FBXL17: variants seen among roughly 807,000 people sequenced by gnomAD.
FBXL17 encodes the protein F-box/LRR-repeat protein 17.
In FBXL17, 22 loss-of-function variants were observed where a neutral mutation model predicts 66.2. That is an observed-to-expected ratio of 0.33 (90% CI 0.24 to 0.47). The LOEUF (loss-of-function observed/expected upper bound fraction) is 0.47, where lower values mean the gene tolerates loss of function less well. Among genes scored for constraint, FBXL17 ranks in the 20% least tolerant of loss-of-function variants. The pLI is 1.00. For missense variants in FBXL17, 878 were observed against 948.2 expected, an observed-to-expected ratio of 0.93 and a Z score of 0.97; for synonymous variants, 474 against 400.5, an observed-to-expected ratio of 1.18 and a Z score of -2.19.
chr5:108,342,875 C>T (rs1431541414), intron 4 of FBXL17, among the ~76,000 whole-genome samples: 6 of 152,160 alleles, frequency 3.9e-5, no homozygotes, highest in Non-Finnish European at 8.8e-5. Flanking sequence ...GATGTAGTTG[C>T]TATGGTCTAA....
intron 6 of FBXL17, among the ~76,000 whole-genome samples, chr5:108,184,281 G>A (rs947800704): frequency 2.0e-5 from 3 of 151,944 alleles, no homozygotes; most frequent in Non-Finnish European, 2.9e-5. Flanking sequence ...AAACTTAGTC[G>A]GATGTGGTGG....
intron 7 of FBXL17, among the ~76,000 whole-genome samples, chr5:107,882,805 T>C (rs1238756839): frequency 1.3e-5 from 2 of 152,210 alleles, no homozygotes; most frequent in African/African-American, 4.8e-5. Context: ...GTGCTCAAAC[T>C]ATGATTTCCA....
intron 5 of FBXL17, among the ~76,000 whole-genome samples, chr5:108,220,563 G>T (rs1376576674): frequency 6.6e-6 from 1 of 152,134 alleles, no homozygotes; most frequent in African/African-American, 2.4e-5. Flanking sequence ...TAAGCTGGAA[G>T]AAGTCCAGTT....
At chr5:108,200,429 T>A (rs1223744692) in intron 5 of FBXL17, among the ~76,000 whole-genome samples, 1 of 151,718 alleles carries the variant, frequency 6.6e-6, no homozygotes, top group East Asian at 1.9e-4. Flanking sequence ...CTAACGGGAG[T>A]TCTTTATAAC....
At chr5:108,263,547 T>G (rs189995232) in intron 4 of FBXL17, among the ~76,000 whole-genome samples, 440 of 152,334 alleles carry the variant, frequency 2.9e-3, no homozygotes, top group Non-Finnish European at 4.0e-3. Flanking sequence ...CTTTATTACA[T>G]TTTTACTTTC....
At position 107,954,509 on chromosome 5, in the gene FBXL17, C is replaced by T. The variant is rs1452154516; in HGVS notation, c.1822+66416G>A. Among the ~76,000 whole-genome samples the T allele has an allele frequency of 2.6e-5, 4 of 152,196 alleles. No individual in the cohort carries two copies. The East Asian group carries it at 7.7e-4, about 29-fold the overall frequency. The stretch of plus-strand genomic sequence containing the variant: ...GTGCAAGGGACCTCAAAAGGAAACA[C>T]TCTCCTTTAAGAAATCATTAGTAGG... On this transcript the variant is annotated intron_variant, in intron 7 of 8. Transcript: ENST00000542267.
intron 5 of FBXL17, among the ~76,000 whole-genome samples, chr5:108,201,173 C>T (rs897341228): frequency 1.3e-5 from 2 of 152,128 alleles, no homozygotes; most frequent in African/African-American, 4.8e-5. Flanking sequence ...CTTTCAATAT[C>T]CAGGAGCCCC....
intron 6 of FBXL17, among the ~76,000 whole-genome samples, chr5:108,049,597 T>G (rs923340885): frequency 1.3e-5 from 2 of 151,914 alleles, no homozygotes; most frequent in African/African-American, 4.8e-5. Context: ...GCTCTAAATA[T>G]GGAAAGGAAA....
At chr5:107,873,156 T>G (rs1382793135) in intron 8 of FBXL17, among the ~76,000 whole-genome samples, 2 of 152,244 alleles carry the variant, frequency 1.3e-5, no homozygotes, top group Non-Finnish European at 2.9e-5. Flanking sequence ...GAAGAGAGGC[T>G]TAGAGGACCA....
At chr5:108,328,635 G>A (rs1204318839) in intron 4 of FBXL17, among the ~76,000 whole-genome samples, 1 of 151,882 alleles carries the variant, frequency 6.6e-6, no homozygotes, top group Non-Finnish European at 1.5e-5. Context: ...AATCACCAGA[G>A]GAATTAGCAG....
At chr5:108,218,794 T>C (rs1754721413) in intron 5 of FBXL17, among the ~76,000 whole-genome samples, 1 of 152,198 alleles carries the variant, frequency 6.6e-6, no homozygotes, top group South Asian at 2.1e-4. Flanking sequence ...TTTCTTACTA[T>C]TGAGTCGAGT....
At chr5:108,265,241 A>C (rs534852535) in intron 4 of FBXL17, among the ~76,000 whole-genome samples, 8 of 152,212 alleles carry the variant, frequency 5.3e-5, no homozygotes, top group Admixed American at 2.6e-4. Context: ...CATTCTACCT[A>C]ATCGGATAGA....
chr5:108,119,836 A>C (rs2149963030), intron 6 of FBXL17, among the ~76,000 whole-genome samples: 1 of 152,306 alleles, frequency 6.6e-6, no homozygotes, highest in Admixed American at 6.5e-5. Context: ...TTTAGTAAAG[A>C]TTAACCTGTG....
At chr5:108,298,989 A>G (rs1354248053) in intron 4 of FBXL17, 3 of 973,340 alleles carry the variant, frequency 3.1e-6, no homozygotes, top group Non-Finnish European at 3.7e-6. Context: ...TTAGGAGAGT[A>G]TAACACTTTT....
chr5:108,275,084 A>G (rs531696697), intron 4 of FBXL17, among the ~76,000 whole-genome samples: 2 of 152,362 alleles, frequency 1.3e-5, no homozygotes, highest in Non-Finnish European at 2.9e-5. Flanking sequence ...TAACTAACTC[A>G]GAATTCAATT....
At chr5:108,302,587 T>G (rs745692647) in intron 4 of FBXL17, among the ~76,000 whole-genome samples, 1 of 151,800 alleles carries the variant, frequency 6.6e-6, no homozygotes, top group Non-Finnish European at 1.5e-5. Flanking sequence ...GTAATTAAGA[T>G]AATTTTCCTC....
chr5:108,256,151 T>C (rs898079646), intron 4 of FBXL17, among the ~76,000 whole-genome samples: 1 of 152,176 alleles, frequency 6.6e-6, no homozygotes, highest in African/African-American at 2.4e-5. Flanking sequence ...ATATCTCATC[T>C]CCTGACAAGA....
intron 1 of FBXL17, among the ~76,000 whole-genome samples, chr5:108,373,084 T>C (rs1385709138): frequency 6.6e-6 from 1 of 150,926 alleles, no homozygotes; most frequent in African/African-American, 2.4e-5. Flanking sequence ...TGTTATAATA[T>C]ATAGTGTTAA....
At chr5:107,882,096 T>C (rs1207162312) in intron 7 of FBXL17, among the ~76,000 whole-genome samples, 1 of 152,200 alleles carries the variant, frequency 6.6e-6, no homozygotes, top group Non-Finnish European at 1.5e-5. Context: ...CACCAGTTTA[T>C]GGTGCACTGG....
Sources: allele counts gnomAD v4.1 joint callset (sites outside exome capture counted in the v4.1 genomes callset), GRCh38; gene constraint gnomAD v4.1.1; transcripts MANE v1.5; gene names NCBI Gene and HGNC (gene_info 2026-07-23, HGNC 2026-07-21).